RTTN: variants seen among roughly 807,000 people sequenced by gnomAD.
RTTN encodes the protein rotatin.
Under a neutral mutation model 269.2 loss-of-function variants are expected in RTTN, and 182 were observed. The observed-to-expected ratio is 0.68, with a 90% CI of 0.60 to 0.76. The LOEUF is 0.76. RTTN is among the 30% of genes least tolerant of loss of function. The probability of loss-of-function intolerance (pLI) is 0.00; values close to 1 mark genes in which losing one functional copy is unlikely to be tolerated. For missense variants in RTTN, 2,545 were observed against 2,608.6 expected, an observed-to-expected ratio of 0.98 and a Z score of 0.53; for synonymous variants, 1,006 against 963.5, an observed-to-expected ratio of 1.04 and a Z score of -0.82.
chr18:70,181,289 C>T (rs1333073645), intron 10 of RTTN, among the ~76,000 whole-genome samples: 1 of 151,918 alleles, frequency 6.6e-6, no homozygotes, highest in East Asian at 1.9e-4. Flanking sequence ...AGAAGAAATG[C>T]GGAAAAGAAA....
At chr18:70,063,392 G>A (rs989767472) in intron 35 of RTTN, among the ~76,000 whole-genome samples, 2 of 152,082 alleles carry the variant, frequency 1.3e-5, no homozygotes, top group African/African-American at 4.8e-5. Flanking sequence ...CATGTTTTCT[G>A]CTCATTTTTA....
At chr18:70,066,209 T>C (rs892425902) in intron 34 of RTTN, among the ~76,000 whole-genome samples, 6 of 152,194 alleles carry the variant, frequency 3.9e-5, no homozygotes, top group East Asian at 1.9e-4. Context: ...AATTCCCTCA[T>C]TGCCCAAATG....
chr18:70,052,403 C>T (rs2057695564), intron 38 of RTTN, among the ~76,000 whole-genome samples: 1 of 152,100 alleles, frequency 6.6e-6, no homozygotes, highest in African/African-American at 2.4e-5. Flanking sequence ...TCATTGCCAT[C>T]CCCACAAGAT....
At chr18:70,086,479 A>G in intron 32 of RTTN, 134 bp downstream of exon 32, 1 of 763,198 alleles carries the variant, frequency 1.3e-6, no homozygotes, top group East Asian at 2.5e-5. Context: ...AACAAATTCT[A>G]CGTTCTATTT....
At chr18:70,165,881 CTAAGT>C (rs2060971206) in intron 14 of RTTN, among the ~76,000 whole-genome samples, 176 bp downstream of exon 14, 2 of 152,212 alleles carry the variant, frequency 1.3e-5, no homozygotes, top group Non-Finnish European at 1.5e-5. Flanking sequence ...GCTGGACTTA[CTAAGT>C]TAAGAGAATT....
intron 17 of RTTN, among the ~76,000 whole-genome samples, chr18:70,147,198 C>T (rs1428008527): frequency 1.3e-5 from 2 of 152,136 alleles, no homozygotes; most frequent in East Asian, 1.9e-4. Context: ...CTTTTGAGTA[C>T]AGTCATGTAC....
intron 18 of RTTN, among the ~76,000 whole-genome samples, chr18:70,145,395 G>A (rs2060362394): frequency 6.6e-6 from 1 of 152,022 alleles, no homozygotes; most frequent in African/African-American, 2.4e-5. Context: ...ATTGTCCTGT[G>A]AAACTGGTCC....
intron 11 of RTTN, among the ~76,000 whole-genome samples, chr18:70,172,825 T>C (rs1000926003): frequency 3.3e-5 from 5 of 152,188 alleles, no homozygotes; most frequent in African/African-American, 1.2e-4. Context: ...ATGATGCAAC[T>C]GATAGGATAA....
chr18:70,045,917 T>C (rs2057477308), intron 40 of RTTN, among the ~76,000 whole-genome samples: 1 of 152,246 alleles, frequency 6.6e-6, no homozygotes, highest in Admixed American at 6.5e-5. Context: ...TGAGATATTC[T>C]GTGACTGTAG....
chr18:70,186,323 T>C (rs1290715351), intron 10 of RTTN, among the ~76,000 whole-genome samples: 1 of 152,226 alleles, frequency 6.6e-6, no homozygotes, highest in Non-Finnish European at 1.5e-5. Flanking sequence ...TGAAACAGCA[T>C]TACAAGTTCC....
intron 10 of RTTN, among the ~76,000 whole-genome samples, chr18:70,178,971 CAT>C (rs1323117539): frequency 6.6e-6 from 1 of 152,020 alleles, no homozygotes; most frequent in African/African-American, 2.4e-5. Context: ...AATTAATAGA[CAT>C]AAACTTTGAA....
At chr18:70,026,078 T>C (rs1225137684) in intron 43 of RTTN, among the ~76,000 whole-genome samples, 2 of 152,252 alleles carry the variant, frequency 1.3e-5, no homozygotes, top group South Asian at 2.1e-4. Context: ...TTCTACATTA[T>C]TATTGCTGTA....
At chr18:70,052,185 C>T (rs906346015) in intron 38 of RTTN, among the ~76,000 whole-genome samples, 1 of 152,136 alleles carries the variant, frequency 6.6e-6, no homozygotes, top group Non-Finnish European at 1.5e-5. Context: ...TCTCTCTGAC[C>T]ATGCCTTCAG....
At chr18:70,160,565 G>A (rs940345018) in intron 14 of RTTN, among the ~76,000 whole-genome samples, 8 of 150,972 alleles carry the variant, frequency 5.3e-5, no homozygotes, top group African/African-American at 1.7e-4. Flanking sequence ...CTATTGGAAG[G>A]CCTAGCCAGA....
chr18:70,195,064 T>C (rs28394393), intron 7 of RTTN, among the ~76,000 whole-genome samples: 119 of 152,052 alleles, frequency 7.8e-4, no homozygotes, highest in African/African-American at 2.5e-3. Flanking sequence ...TCAAAGAAAA[T>C]ATAAAATCTT....
In RTTN at chr18:70,205,166, T is replaced by C; in HGVS notation, c.181A>G (p.Lys61Glu). 1 of 1,614,220 alleles carries C rather than the reference T, an allele frequency of 6.2e-7. No homozygotes were observed. The highest frequency in any genetic ancestry group is 8.5e-7 in the Non-Finnish European group (1 of 1,180,040). Residue 61 changes from lysine to glutamate, a missense_variant, in exon 2 of 49, where the codon AAG (lysine) becomes GAG (glutamate). By Grantham distance (56) the Lys-to-Glu change is moderately conservative (BLOSUM62 1). Transcript: ENST00000640769. ...EWFNFPSVPM[K>E]EEVLNLLSRL... is the part of the protein sequence containing the mutation. ...CTTAACAGGTTCAGAACCTCTTCCT[T>C]CATCGGAACGGACGGGAAATTGAAC...
At chr18:70,152,601 C>T (rs534795289) in intron 14 of RTTN, among the ~76,000 whole-genome samples, 3 of 152,218 alleles carry the variant, frequency 2.0e-5, no homozygotes, top group South Asian at 4.1e-4. Context: ...CAGAATTCTA[C>T]CCAATCCACA....
intron 34 of RTTN, among the ~76,000 whole-genome samples, chr18:70,067,476 A>T (rs2058174037): frequency 6.6e-6 from 1 of 152,212 alleles, no homozygotes; most frequent in South Asian, 2.1e-4. Flanking sequence ...TTATTTTTAA[A>T]AATATATTTG....
chr18:70,093,901 T>C (rs949442179), intron 28 of RTTN, among the ~76,000 whole-genome samples: 3 of 152,230 alleles, frequency 2.0e-5, no homozygotes, highest in Admixed American at 2.0e-4. Flanking sequence ...GTACCTCTAG[T>C]AGAATTCGGC....
Sources: gnomAD v4.1 joint callset for allele counts (sites outside exome capture counted in the v4.1 genomes callset) on GRCh38, gnomAD v4.1.1 for gene constraint, MANE v1.5 for transcripts, NCBI Gene and HGNC (gene_info 2026-07-23, HGNC 2026-07-21) for gene names.